Variants in PDZRN4 observed in about 807,000 individuals in gnomAD.
The protein encoded by PDZRN4 is PDZ domain-containing RING finger protein 4.
Under a neutral mutation model 99.0 loss-of-function variants are expected in PDZRN4, and 70 were observed. That is an observed-to-expected ratio of 0.71 (90% CI 0.58 to 0.86). The LOEUF (loss-of-function observed/expected upper bound fraction) is 0.86. PDZRN4 is among the 40% of genes least tolerant of loss of function. The pLI, the probability that PDZRN4 is intolerant of heterozygous loss-of-function variation, is 0.00. For missense variants in PDZRN4, 1,474 were observed against 1,331.2 expected (o/e 1.11, Z -1.67); for synonymous variants, 551 against 501.6 (o/e 1.10, Z -1.32).
Position 41,531,236 on chromosome 12 carries a change from G to A in PDZRN4, c.1203+21323G>A, listed in dbSNP as rs1195203189. ...GTGGAAGTAGCTCTCAGGAGATGAG[G>A]GAGCCAGAAGGGAGATGATTTTCCC... is the stretch of plus-strand genomic sequence containing the variant. On this transcript the variant is annotated intron_variant, in intron 5 of 9. Transcript: ENST00000402685. Among the ~76,000 whole-genome samples, 3 of 152,126 alleles carry A rather than the reference G, an allele frequency of 2.0e-5. No individual in the cohort carries two copies. The East Asian group carries it at 5.8e-4, about 29-fold the overall frequency.
At chr12:41,533,374 C>T (rs1040552459) in intron 5 of PDZRN4, among the ~76,000 whole-genome samples, 38 of 151,994 alleles carry the variant, frequency 2.5e-4, no homozygotes, top group African/African-American at 8.7e-4. Context: ...AGGGTTTCAC[C>T]ATGTTGGTCA....
chr12:41,421,273 A>G (rs1952487779), intron 3 of PDZRN4, among the ~76,000 whole-genome samples: 1 of 152,074 alleles, frequency 6.6e-6, no homozygotes. Flanking sequence ...ATCTCAGCTC[A>G]CTGCAACCTC....
intron 3 of PDZRN4, among the ~76,000 whole-genome samples, chr12:41,490,976 G>A (rs1357916059): frequency 1.3e-5 from 2 of 152,028 alleles, no homozygotes; most frequent in African/African-American, 2.4e-5. Flanking sequence ...GGAGGCTTCC[G>A]TACTCTAAGT....
At chr12:41,554,480 C>G (rs1297844355) in intron 6 of PDZRN4, among the ~76,000 whole-genome samples, 2 of 151,974 alleles carry the variant, frequency 1.3e-5, no homozygotes, top group Non-Finnish European at 2.9e-5. Flanking sequence ...ATTTAAGACT[C>G]AATTATTAGG....
intron 3 of PDZRN4, among the ~76,000 whole-genome samples, chr12:41,277,437 A>T (rs1951356285): frequency 6.6e-6 from 1 of 152,192 alleles, no homozygotes; most frequent in Non-Finnish European, 1.5e-5. Context: ...CGAATTTCCC[A>T]CTGAGGAAAG....
chr12:41,326,656 G>A (rs984053741), intron 3 of PDZRN4, among the ~76,000 whole-genome samples: 2 of 152,094 alleles, frequency 1.3e-5, no homozygotes, highest in Admixed American at 6.6e-5. Context: ...TTAGCATCAA[G>A]CATAATTCTG....
intron 3 of PDZRN4, among the ~76,000 whole-genome samples, chr12:41,504,641 G>A (rs868160411): frequency 2.6e-5 from 4 of 152,200 alleles, no homozygotes; most frequent in Middle Eastern, 3.4e-3. Context: ...TAGTGGCCCC[G>A]GCCTGAGCAC....
At chr12:41,425,949 C>A (rs1952532791) in intron 3 of PDZRN4, among the ~76,000 whole-genome samples, 1 of 152,158 alleles carries the variant, frequency 6.6e-6, no homozygotes, top group African/African-American at 2.4e-5. Flanking sequence ...TTCAACCTGT[C>A]TGGAGCTTAG....
chr12:41,297,776 CA>C (rs1320539455), intron 3 of PDZRN4, among the ~76,000 whole-genome samples: 5 of 152,238 alleles, frequency 3.3e-5, no homozygotes, highest in Non-Finnish European at 7.4e-5. Context: ...ATGTGATTCT[CA>C]AGCACTCAGT....
intron 3 of PDZRN4, among the ~76,000 whole-genome samples, chr12:41,356,623 A>G (rs1951929367): frequency 6.6e-6 from 1 of 152,006 alleles, no homozygotes; most frequent in African/African-American, 2.4e-5. Flanking sequence ...TAGAGAAAAG[A>G]GATGAAAGAG....
chr12:41,197,920 G>GTTTTGTTTT (rs1555215722), intron 3 of PDZRN4, among the ~76,000 whole-genome samples: 4 of 115,620 alleles, frequency 3.5e-5, no homozygotes, highest in East Asian at 2.7e-4. Flanking sequence ...TTTTTTCTGG[G>GTTTTGTTTT]TTTTTTTTTT....
chr12:41,495,530 T>C (rs1333201594), intron 3 of PDZRN4, among the ~76,000 whole-genome samples: 1 of 152,048 alleles, frequency 6.6e-6, no homozygotes, highest in African/African-American at 2.4e-5. Flanking sequence ...AACTGGACTA[T>C]CCACACTGTC....
At chr12:41,254,936 TA>T (rs1382580859) in intron 3 of PDZRN4, among the ~76,000 whole-genome samples, 2 of 151,552 alleles carry the variant, frequency 1.3e-5, no homozygotes, top group South Asian at 4.2e-4. Flanking sequence ...AAATAAAAAA[TA>T]AAAAAAATTA....
intron 3 of PDZRN4, among the ~76,000 whole-genome samples, chr12:41,432,874 G>C (rs1335543034): frequency 2.0e-5 from 3 of 152,184 alleles, no homozygotes; most frequent in African/African-American, 2.4e-5. Flanking sequence ...GTATAGAGCA[G>C]TTCAGCTTTG....
chr12:41,343,365 C>T (rs368390670), intron 3 of PDZRN4, among the ~76,000 whole-genome samples: 123 of 151,962 alleles, frequency 8.1e-4, no homozygotes, highest in African/African-American at 2.9e-3. Flanking sequence ...CTCTAATGGC[C>T]TTTCAATTTT....
At chr12:41,428,287 C>A (rs192588948) in intron 3 of PDZRN4, among the ~76,000 whole-genome samples, 9 of 152,198 alleles carry the variant, frequency 5.9e-5, no homozygotes, top group Non-Finnish European at 8.8e-5. Flanking sequence ...ATTATACCAC[C>A]CTGTGTTAAT....
intron 3 of PDZRN4, among the ~76,000 whole-genome samples, chr12:41,468,186 G>A (rs1952948071): frequency 6.6e-6 from 1 of 152,184 alleles, no homozygotes; most frequent in Non-Finnish European, 1.5e-5. Context: ...TAATTTGAGA[G>A]AATATGCATC....
chr12:41,561,090 C>A (rs1464198834), intron 7 of PDZRN4, among the ~76,000 whole-genome samples: 1 of 152,036 alleles, frequency 6.6e-6, no homozygotes, highest in Non-Finnish European at 1.5e-5. Context: ...ATAATGAGTT[C>A]TCAGGGGAGA....
intron 7 of PDZRN4, among the ~76,000 whole-genome samples, chr12:41,562,050 C>T (rs1939280027): frequency 6.6e-6 from 1 of 152,166 alleles, no homozygotes; most frequent in South Asian, 2.1e-4. Context: ...ATTGTGGAAT[C>T]GTAGCTTCTG....
Sources: gnomAD v4.1 joint callset for allele counts (sites outside exome capture counted in the v4.1 genomes callset) on GRCh38, gnomAD v4.1.1 for gene constraint, MANE v1.5 for transcripts, NCBI Gene and HGNC (gene_info 2026-07-23, HGNC 2026-07-21) for gene names.